Variants in EDIL3 observed in about 807,000 individuals in gnomAD.
The protein encoded by EDIL3 is EGF like and discoidin domains 3, also known as EGF-like repeat and discoidin I-like domain-containing protein 3.
A neutral mutation model predicts 67.4 loss-of-function variants in EDIL3; 37 were observed. The ratio of observed to expected loss-of-function variants is 0.55; its 90% CI spans 0.42 to 0.72. The LOEUF is 0.72. Ranked by LOEUF, EDIL3 falls within the 30% of genes least tolerant of loss-of-function variation. The pLI is 0.00. For synonymous variants in EDIL3, 195 were observed against 196.3 expected, an observed-to-expected ratio of 0.99 and a Z score of 0.05; for missense variants, 527 against 586.3, an observed-to-expected ratio of 0.90 and a Z score of 1.04.
At chr5:84,270,901 G>GA (rs1005574752) in intron 1 of EDIL3, among the ~76,000 whole-genome samples, 7 of 151,872 alleles carry the variant, frequency 4.6e-5, no homozygotes, top group East Asian at 1.9e-4. Flanking sequence ...AGCCAAACCT[G>GA]AAAAAAAATC....
intron 4 of EDIL3, among the ~76,000 whole-genome samples, chr5:84,166,422 ACTG>A (rs1455289401): frequency 6.6e-6 from 1 of 152,124 alleles, no homozygotes; most frequent in Non-Finnish European, 1.5e-5. Flanking sequence ...TGGGAGATAG[ACTG>A]CTATTAGACA....
chr5:83,995,273 G>A (rs1745219584), intron 9 of EDIL3, among the ~76,000 whole-genome samples: 1 of 151,974 alleles, frequency 6.6e-6, no homozygotes, highest in Non-Finnish European at 1.5e-5. Flanking sequence ...TAACACCAGG[G>A]GGTTTGCAGG....
chr5:84,054,353 T>A (rs1295242760), intron 9 of EDIL3, among the ~76,000 whole-genome samples: 1 of 152,212 alleles, frequency 6.6e-6, no homozygotes, highest in Non-Finnish European at 1.5e-5. Context: ...GCCAATATCA[T>A]ACTGAATGGG....
intron 4 of EDIL3, among the ~76,000 whole-genome samples, chr5:84,175,740 C>T (rs558668246): frequency 6.6e-6 from 1 of 152,226 alleles, no homozygotes; most frequent in South Asian, 2.1e-4. Flanking sequence ...CATGGTTCCT[C>T]CAGTATCATT....
At chr5:83,956,820 ACATCT>A (rs1224696765) in intron 10 of EDIL3, among the ~76,000 whole-genome samples, 2 of 151,744 alleles carry the variant, frequency 1.3e-5, no homozygotes, top group Non-Finnish European at 2.9e-5. Flanking sequence ...CTGTATTAAA[ACATCT>A]CATGTACCCC....
chr5:84,197,710 A>G lies in EDIL3; in HGVS notation c.227-17189T>C, dbSNP rs537244720. ...AAAAGTTAAGCATAGCTAAATTTGT[A>G]GAACTGAAAGAAATGCAATATAATT... On this transcript the variant is annotated intron_variant, in intron 3 of 10. Coordinates refer to ENST00000296591, the MANE Select transcript of EDIL3 (RefSeq NM_005711.5). 1.3e-5 allele frequency among the ~76,000 whole-genome samples: 2 copies of G among 152,006 alleles called. 1 individual carries two copies. The highest frequency in any genetic ancestry group is 4.1e-4 in the South Asian group (2 of 4,830).
intron 10 of EDIL3, among the ~76,000 whole-genome samples, chr5:83,955,955 C>T (rs964339017): frequency 6.6e-6 from 1 of 151,684 alleles, no homozygotes; most frequent in Non-Finnish European, 1.5e-5. Context: ...CAAAATTAAT[C>T]CTTAAAGAAG....
At chr5:84,188,983 G>A (rs747921187) in intron 3 of EDIL3, among the ~76,000 whole-genome samples, 5 of 152,014 alleles carry the variant, frequency 3.3e-5, no homozygotes, top group Non-Finnish European at 7.4e-5. Context: ...CCTGAATTGG[G>A]GGTAGGGAGC....
chr5:84,151,284 C>A (rs568454858), intron 4 of EDIL3, among the ~76,000 whole-genome samples: 3 of 151,968 alleles, frequency 2.0e-5, no homozygotes, highest in African/African-American at 7.2e-5. Flanking sequence ...CACACACACA[C>A]ACACACACAC....
chr5:84,348,939 T>C (rs1159236808), intron 1 of EDIL3, among the ~76,000 whole-genome samples: 2 of 152,144 alleles, frequency 1.3e-5, no homozygotes, highest in Non-Finnish European at 2.9e-5. Context: ...AATAAAGAAG[T>C]TTATTCAATT....
At position 83,940,808 on chromosome 5, in the gene EDIL3, CAA is replaced by C. The variant is rs1744211074; in HGVS notation, c.*2609_*2610del. The C allele has an allele frequency of 1.3e-5, 2 of 151,924 alleles. No individual in the cohort carries two copies. Among genetic ancestry groups the C allele is most frequent in the African/African-American group, 4.8e-5 (2 of 41,406 alleles). The allele number at this position is 151,924 out of a possible 1,614,324, so 9.4% of individuals were successfully genotyped here. On this transcript the variant is annotated 3_prime_UTR_variant, in exon 11 of 11. Transcript: ENST00000296591. ...GTATATTTCATAAGTTGTTGACTAG[CAA>C]AGATACAATCATTAGTAACCCAAGT...
At chr5:84,309,743 T>C (rs983870019) in intron 1 of EDIL3, among the ~76,000 whole-genome samples, 5 of 152,194 alleles carry the variant, frequency 3.3e-5, no homozygotes, top group East Asian at 1.9e-4. Flanking sequence ...CAGTCGATCA[T>C]TGTTGGACAT....
chr5:84,338,795 A>T (rs1747038838), intron 1 of EDIL3, among the ~76,000 whole-genome samples: 1 of 152,204 alleles, frequency 6.6e-6, no homozygotes, highest in South Asian at 2.1e-4. Flanking sequence ...AGGCTAAGGC[A>T]GCACCCCAGG....
In EDIL3 at chr5:84,066,493, C is replaced by G. The variant is rs138920492; in HGVS notation, c.765G>C (p.Lys255Asn). The G allele has an allele frequency of 5.9e-3, 9,465 of 1,613,026 alleles. 57 individuals carry two copies. Among genetic ancestry groups the G allele is most frequent in the Non-Finnish European group, 5.7e-3 (6,741 of 1,179,682 alleles). ...CTTTCACTTTGTACATTGCCCAAGT[C>G]TTTCCATCATTACTGTAGGCAATTT... ...SYKIAYSNDG[K>N]TWAMYKVKGT... Residue 255 changes from lysine (K) to asparagine (N), a missense_variant, in exon 7 of 11, where the codon AAG becomes AAC. This residue lies in a region of EDIL3 where 494 missense variants were observed against 522.5 expected (regional missense o/e 0.95). Coordinates refer to ENST00000296591, the MANE Select transcript of EDIL3 (RefSeq NM_005711.5).
intron 4 of EDIL3, among the ~76,000 whole-genome samples, chr5:84,177,777 T>A (rs1206105510): frequency 6.6e-6 from 1 of 152,120 alleles, no homozygotes; most frequent in Non-Finnish European, 1.5e-5. Context: ...TTAAAAAGCA[T>A]ATGGAGGTAA....
intron 5 of EDIL3, among the ~76,000 whole-genome samples, chr5:84,132,002 G>A (rs993075560): frequency 7.3e-5 from 11 of 151,608 alleles, no homozygotes; most frequent in Non-Finnish European, 1.3e-4. Flanking sequence ...GGAGATTGAG[G>A]TGGGCGGATC....
intron 6 of EDIL3, among the ~76,000 whole-genome samples, chr5:84,101,752 C>T (rs529752163): frequency 2.6e-5 from 4 of 151,404 alleles, no homozygotes; most frequent in Non-Finnish European, 5.9e-5. Flanking sequence ...CAAAGAAGAG[C>T]TGGTAGCATT....
chr5:84,371,834 A>C (rs2112213467), intron 1 of EDIL3, among the ~76,000 whole-genome samples: 1 of 152,202 alleles, frequency 6.6e-6, no homozygotes, highest in Middle Eastern at 3.4e-3. Flanking sequence ...GCCTGACAGA[A>C]AAAATTAACT....
At chr5:84,151,258 C>A (rs1200021369) in intron 4 of EDIL3, among the ~76,000 whole-genome samples, 1 of 145,234 alleles carries the variant, frequency 6.9e-6, no homozygotes, top group African/African-American at 2.8e-5. Context: ...TACACACACA[C>A]GCACATACAC....
Sources: allele counts gnomAD v4.1 joint callset (sites outside exome capture counted in the v4.1 genomes callset), GRCh38; gene constraint gnomAD v4.1.1; regional missense constraint gnomAD v4.1.1; transcripts MANE v1.5; gene names NCBI Gene and HGNC (gene_info 2026-07-23, HGNC 2026-07-21).